NYAP2: variants seen among roughly 807,000 people sequenced by gnomAD.
NYAP2 encodes neuronal tyrosine-phosphorylated phosphoinositide-3-kinase adaptor 2.
A neutral mutation model predicts 50.4 loss-of-function variants in NYAP2; 23 were observed. That is an observed-to-expected ratio of 0.46 (90% CI 0.33 to 0.65). NYAP2 has a LOEUF of 0.65. Among genes scored for constraint, NYAP2 ranks in the 30% least tolerant of loss-of-function variants. The pLI, the probability that NYAP2 is intolerant of heterozygous loss-of-function variation, is 0.02. For synonymous variants in NYAP2, 394 were observed against 365.2 expected (o/e 1.08, Z -0.90); for missense variants, 885 against 861.0 (o/e 1.03, Z -0.35).
At chr2:225,563,589 T>C (rs1559215418) in intron 4 of NYAP2, among the ~76,000 whole-genome samples, 1 of 152,104 alleles carries the variant, frequency 6.6e-6, no homozygotes. Context: ...TCACAGCTAA[T>C]TGATTACAGT....
At chr2:225,406,009 T>G (rs1559171518) in intron 2 of NYAP2, among the ~76,000 whole-genome samples, 1 of 152,034 alleles carries the variant, frequency 6.6e-6, no homozygotes, top group Non-Finnish European at 1.5e-5. Flanking sequence ...ATTGGGAAAC[T>G]AACAGTAATG....
intron 5 of NYAP2, among the ~76,000 whole-genome samples, chr2:225,590,355 G>A (rs1275506487): frequency 2.0e-5 from 3 of 152,192 alleles, no homozygotes; most frequent in Non-Finnish European, 2.9e-5. Context: ...GAAGTTTCTC[G>A]TGTAGTTCAA....
chr2:225,507,009 A>G (rs1690719155), intron 3 of NYAP2, among the ~76,000 whole-genome samples: 1 of 152,202 alleles, frequency 6.6e-6, no homozygotes, highest in Non-Finnish European at 1.5e-5. Context: ...TAGGTTTTTG[A>G]GCTCAACTCC....
At chr2:225,522,817 A>G (rs1246755815) in intron 4 of NYAP2, among the ~76,000 whole-genome samples, 1 of 152,176 alleles carries the variant, frequency 6.6e-6, no homozygotes, top group African/African-American at 2.4e-5. Context: ...AAAATCTGGC[A>G]TGACAAACAC....
intron 5 of NYAP2, among the ~76,000 whole-genome samples, chr2:225,603,485 CAG>C (rs1472400529): frequency 6.6e-6 from 1 of 152,116 alleles, no homozygotes; most frequent in Non-Finnish European, 1.5e-5. Flanking sequence ...TATTTTGAGA[CAG>C]AGTCTCACTC....
chr2:225,598,720 T>C (rs922093780), intron 5 of NYAP2, among the ~76,000 whole-genome samples: 12 of 152,234 alleles, frequency 7.9e-5, no homozygotes, highest in African/African-American at 2.7e-4. Context: ...ATGTTTTTTA[T>C]ATGTGAAAGG....
intron 3 of NYAP2, among the ~76,000 whole-genome samples, chr2:225,410,040 G>A (rs953700213): frequency 2.0e-5 from 3 of 151,894 alleles, no homozygotes; most frequent in African/African-American, 4.8e-5. Flanking sequence ...ATCTCTGAAC[G>A]CTGTGATATT....
intron 3 of NYAP2, among the ~76,000 whole-genome samples, chr2:225,443,523 C>T (rs1024447466): frequency 6.6e-6 from 1 of 152,026 alleles, no homozygotes; most frequent in Non-Finnish European, 1.5e-5. Flanking sequence ...TGGAGCTGAA[C>T]CAATCCACAA....
At chr2:225,444,459 T>G (rs1281813401) in intron 3 of NYAP2, among the ~76,000 whole-genome samples, 1 of 152,110 alleles carries the variant, frequency 6.6e-6, no homozygotes, top group Non-Finnish European at 1.5e-5. Flanking sequence ...GCATATAAAT[T>G]TATACATTCC....
rs201552006 is a variant in NYAP2, at chr2:225,449,601, CTTTTTTTTTT to C, written c.221+40516_221+40525del. Among the ~76,000 whole-genome samples, 12 of 96,310 alleles carry C rather than the reference CTTTTTTTTTT, an allele frequency of 1.2e-4. 1 individual carries two copies. The highest frequency in any genetic ancestry group is 4.8e-4 in the African/African-American group (11 of 22,788). The allele number at this position is 96,310 out of a possible 152,430, so 63.2% of individuals were successfully genotyped here. A position where few individuals can be genotyped will look rare whatever the true frequency, so the allele number is the denominator to read the frequency against. On this transcript the variant is annotated intron_variant, in intron 3 of 6. Coordinates refer to ENST00000636099, the Ensembl canonical transcript of NYAP2. The stretch of plus-strand genomic sequence containing the variant: ...ACCAGATCTCTCTCTCTCTCTTTCT[CTTTTTTTTTT>C]TTTTTTTTTTTTTTTGAGACAGAGT...
chr2:225,573,837 A>C (rs1014281305), intron 4 of NYAP2, among the ~76,000 whole-genome samples: 1 of 152,168 alleles, frequency 6.6e-6, no homozygotes, highest in Admixed American at 6.5e-5. Context: ...GTCCTCTTAC[A>C]TCTAAGACTT....
chr2:225,675,133 C>CT, the NYAP2 span, among the ~76,000 whole-genome samples: 5 of 151,954 alleles, frequency 3.3e-5, no homozygotes, highest in East Asian at 9.7e-4. Context: ...TTCCATCGAA[C>CT]TTTTTAAAAA....
At chr2:225,498,490 C>G (rs1427362517) in intron 3 of NYAP2, among the ~76,000 whole-genome samples, 1 of 151,626 alleles carries the variant, frequency 6.6e-6, no homozygotes, top group Admixed American at 6.6e-5. Context: ...AAATTCCTTA[C>G]AGAGGAACTG....
chr2:225,590,902 A>G (rs4674997), intron 5 of NYAP2, among the ~76,000 whole-genome samples: 135,381 of 152,248 alleles, frequency 0.89, 60,682 homozygotes, highest in Middle Eastern at 0.95. Context: ...TAGCATCTCC[A>G]TCTTAGCTGT....
At chr2:225,413,881 C>A (rs186890079) in intron 3 of NYAP2, among the ~76,000 whole-genome samples, 5 of 152,210 alleles carry the variant, frequency 3.3e-5, no homozygotes, top group Admixed American at 2.6e-4. Flanking sequence ...CATGTTTGAC[C>A]TTGAAAAGGC....
At chr2:225,616,325 A>T (rs1692989624) in intron 5 of NYAP2, among the ~76,000 whole-genome samples, 1 of 152,210 alleles carries the variant, frequency 6.6e-6, no homozygotes, top group Non-Finnish European at 1.5e-5. Context: ...AAATATAAAA[A>T]TATGCCCCCG....
intron 3 of NYAP2, among the ~76,000 whole-genome samples, chr2:225,480,431 A>T (rs1690187059): frequency 6.6e-6 from 1 of 152,170 alleles, no homozygotes; most frequent in Admixed American, 6.6e-5. Flanking sequence ...GGGTGAGTTT[A>T]AGCTATATTT....
intron 3 of NYAP2, among the ~76,000 whole-genome samples, chr2:225,499,763 T>C (rs1161910148): frequency 2.0e-5 from 3 of 152,096 alleles, no homozygotes; most frequent in Non-Finnish European, 4.4e-5. Flanking sequence ...TAACAATGTA[T>C]TGGGCACAAA....
At chr2:225,531,628 A>G (rs905211515) in intron 4 of NYAP2, among the ~76,000 whole-genome samples, 9 of 152,240 alleles carry the variant, frequency 5.9e-5, no homozygotes, top group African/African-American at 9.6e-5. Context: ...CAGGAGACTA[A>G]TTACTATGAA....
Sources: allele counts gnomAD v4.1 joint callset (sites outside exome capture counted in the v4.1 genomes callset), GRCh38; gene constraint gnomAD v4.1.1; transcripts MANE v1.5; gene names NCBI Gene and HGNC (gene_info 2026-07-23, HGNC 2026-07-21).